SUMF1: variants seen among roughly 807,000 people sequenced by gnomAD.
SUMF1 encodes the protein sulfatase modifying factor 1.
SUMF1 carries 48 observed loss-of-function variants against 47.6 expected under a neutral mutation model. The observed-to-expected ratio is 1.01, with a 90% CI of 0.80 to 1.28. SUMF1 has a LOEUF of 1.28. Ranked by LOEUF, SUMF1 falls within the 50% of genes most tolerant of loss-of-function variation. The pLI is 0.00. For missense variants in SUMF1, 571 were observed against 485.4 expected (o/e 1.18, Z -1.66); for synonymous variants, 230 against 192.1 (o/e 1.20, Z -1.63).
rs558868821 is a variant in SUMF1 at position 4,415,159 on chromosome 3, G to A, written c.840+1969C>T. Among the ~76,000 whole-genome samples, 45 of 150,396 alleles carry A rather than the reference G, an allele frequency of 3.0e-4. 1 individual carries two copies. The highest frequency in any genetic ancestry group is 9.8e-4 in the East Asian group (5 of 5,088). ...GGAGAATCACTTGAACCCAGGAGGCGGAGGTTGGAGTGAGCCACGATCACG... is the reference window on the plus strand; with the variant it reads ...GGAGAATCACTTGAACCCAGGAGGCAGAGGTTGGAGTGAGCCACGATCACG... On this transcript the variant is annotated intron_variant, in intron 6 of 8. Transcript: ENST00000272902.
chr3:4,138,719 C>T (rs1373990275), intron 8 of SUMF1, among the ~76,000 whole-genome samples: 2 of 152,040 alleles, frequency 1.3e-5, no homozygotes, highest in African/African-American at 4.8e-5. Flanking sequence ...TCACTTTATG[C>T]AACTTTTCCT....
intron 8 of SUMF1, among the ~76,000 whole-genome samples, chr3:4,356,129 G>A (rs893573898): frequency 5.3e-5 from 8 of 152,216 alleles, no homozygotes; most frequent in Non-Finnish European, 8.8e-5. Flanking sequence ...GGCTCTCGGA[G>A]TTAATAATTT....
At chr3:4,328,795 C>A (rs866276140) in intron 8 of SUMF1, among the ~76,000 whole-genome samples, 1 of 152,126 alleles carries the variant, frequency 6.6e-6, no homozygotes, top group Non-Finnish European at 1.5e-5. Flanking sequence ...ACCCAAAAGT[C>A]CAAATCCAAA....
In SUMF1 at chr3:4,254,017, C is replaced by A. The variant is rs531547135; in HGVS notation, c.1014+122313G>T. On this transcript the variant is annotated intron_variant and NMD_transcript_variant, in intron 8 of 12. Coordinates refer to the SUMF1 transcript ENST00000448413. Reference sequence around the variant, plus strand: ...AGCAAGGGCACACTGACACCACACACAGCAGGGTATTCCAACAGACCTGCA... The same window carrying A: ...AGCAAGGGCACACTGACACCACACAAAGCAGGGTATTCCAACAGACCTGCA... 6.0e-5 allele frequency among the ~76,000 whole-genome samples: 9 copies of A among 150,992 alleles called. No individual in the cohort carries two copies. In the East Asian group the frequency reaches 1.8e-3, roughly 29 times the overall value.
chr3:4,118,317 T>C (rs537924415), intron 8 of SUMF1, among the ~76,000 whole-genome samples: 4 of 151,964 alleles, frequency 2.6e-5, no homozygotes, highest in Non-Finnish European at 5.9e-5. Flanking sequence ...GTAAGTGTCA[T>C]TATCCACATT....
At chr3:4,460,068 T>C (rs2079769275) in intron 1 of SUMF1, among the ~76,000 whole-genome samples, 1 of 152,148 alleles carries the variant, frequency 6.6e-6, no homozygotes, top group African/African-American at 2.4e-5. Flanking sequence ...TTTTGATATA[T>C]TGATATGGAA....
intron 8 of SUMF1, among the ~76,000 whole-genome samples, chr3:4,234,296 G>C (rs28523809): frequency 5.9e-5 from 9 of 151,732 alleles, no homozygotes; most frequent in African/African-American, 2.2e-4. Flanking sequence ...GCAAGAAAAG[G>C]AACTGATTTA....
intron 8 of SUMF1, among the ~76,000 whole-genome samples, chr3:4,182,230 G>C (rs1301421324): frequency 6.6e-6 from 1 of 151,982 alleles, no homozygotes; most frequent in Admixed American, 6.6e-5. Context: ...CATTAATCCA[G>C]AGTGTCAAAT....
intron 8 of SUMF1, among the ~76,000 whole-genome samples, chr3:4,180,683 A>AACACACACACACACAAACACACACAC (rs1695076288): frequency 7.2e-6 from 1 of 139,734 alleles, no homozygotes; most frequent in South Asian, 2.4e-4. Flanking sequence ...CCTAGAACTT[A>AACACACACACACACAAACACACACAC]ACACACACAC....
intron 8 of SUMF1, among the ~76,000 whole-genome samples, chr3:4,113,440 G>T (rs1459871332): frequency 2.6e-5 from 4 of 152,078 alleles, no homozygotes; most frequent in South Asian, 2.1e-4. Flanking sequence ...GAGGCAGGAG[G>T]ATTCCCTGAG....
intron 8 of SUMF1, among the ~76,000 whole-genome samples, chr3:4,301,391 T>C (rs1398497231): frequency 2.0e-5 from 3 of 152,038 alleles, no homozygotes; most frequent in Non-Finnish European, 4.4e-5. Flanking sequence ...AAGGTAAACT[T>C]TGAGAGAAAA....
chr3:4,046,804 G>A (rs1695015423), intron 9 of SUMF1, among the ~76,000 whole-genome samples: 2 of 151,480 alleles, frequency 1.3e-5, no homozygotes, highest in African/African-American at 4.8e-5. Context: ...TCCTCCAATA[G>A]CCTATTCTAT....
At chr3:4,447,576 A>C (rs1272171887) in intron 3 of SUMF1, among the ~76,000 whole-genome samples, 5 of 152,002 alleles carry the variant, frequency 3.3e-5, no homozygotes, top group Non-Finnish European at 1.5e-5. Flanking sequence ...ACACTGGGTT[A>C]CAAAAAAAAA....
intron 8 of SUMF1, among the ~76,000 whole-genome samples, chr3:4,185,630 A>G (rs893674432): frequency 6.6e-6 from 1 of 152,172 alleles, no homozygotes; most frequent in African/African-American, 2.4e-5. Flanking sequence ...TTGGAACCCC[A>G]AACAATGATA....
chr3:4,433,014 G>A (rs970645751), intron 3 of SUMF1, among the ~76,000 whole-genome samples: 2 of 152,122 alleles, frequency 1.3e-5, no homozygotes, highest in African/African-American at 2.4e-5. Context: ...GTGGGCCATT[G>A]TTGCCTCATC....
At chr3:4,204,328 G>A (rs184502843) in intron 8 of SUMF1, among the ~76,000 whole-genome samples, 132 of 152,068 alleles carry the variant, frequency 8.7e-4, no homozygotes, top group African/African-American at 3.0e-3. Flanking sequence ...CTACAAAATT[G>A]CCACTGAGAA....
intron 8 of SUMF1, among the ~76,000 whole-genome samples, chr3:4,178,171 A>C (rs1207136049): frequency 6.6e-6 from 1 of 152,182 alleles, no homozygotes; most frequent in African/African-American, 2.4e-5. Flanking sequence ...AAAAGAGGGA[A>C]TCCTCCCTAA....
At chr3:4,104,225 TAAG>T (rs1693103675) in intron 8 of SUMF1, among the ~76,000 whole-genome samples, 1 of 152,096 alleles carries the variant, frequency 6.6e-6, no homozygotes, top group Non-Finnish European at 1.5e-5. Flanking sequence ...GATGGTTTTA[TAAG>T]GAGTTTCCCC....
chr3:4,102,783 C>T (rs1432525882), intron 8 of SUMF1, among the ~76,000 whole-genome samples: 1 of 151,176 alleles, frequency 6.6e-6, no homozygotes, highest in African/African-American at 2.4e-5. Context: ...ATTAATGTAG[C>T]TTACTTGATA....
Sources: gnomAD v4.1 joint callset for allele counts (sites outside exome capture counted in the v4.1 genomes callset) on GRCh38, gnomAD v4.1.1 for gene constraint, MANE v1.5 for transcripts, NCBI Gene and HGNC (gene_info 2026-07-23, HGNC 2026-07-21) for gene names.